The following DDX46 variants were observed in gnomAD, a reference collection of about 807,000 sequenced individuals.
DDX46 encodes probable ATP-dependent RNA helicase DDX46.
Under a neutral mutation model 134.9 loss-of-function variants are expected in DDX46, and 30 were observed. The ratio of observed to expected loss-of-function variants is 0.22; its 90% confidence interval spans 0.17 to 0.30. The LOEUF is 0.30. Among genes scored for constraint, DDX46 ranks in the 10% least tolerant of loss-of-function variants. The pLI is 1.00. For missense variants in DDX46, 622 were observed against 1,248.7 expected, an observed-to-expected ratio of 0.50 and a Z score of 7.56; for synonymous variants, 415 against 404.1, an observed-to-expected ratio of 1.03 and a Z score of -0.32.
rs772322526 is a variant in DDX46 at position 134,796,162 on chromosome 5, C to G, written c.1954+12C>G. 1.2e-6 allele frequency: 2 copies of G among 1,611,972 alleles called. No homozygotes were observed. Among genetic ancestry groups the G allele is most frequent in the East Asian group, 2.2e-5 (1 of 44,784 alleles). Reference sequence around the variant, plus strand: ...GTCTCTTCATGGAGGTAATTATTCACTTGATTCACACATAAAATATCTATT... The same window carrying G: ...GTCTCTTCATGGAGGTAATTATTCAGTTGATTCACACATAAAATATCTATT... On this transcript the variant is annotated intron_variant, in intron 15 of 22. Coordinates refer to ENST00000452510, the MANE Select transcript of DDX46 (RefSeq NM_001300860.2).
intron 13 of DDX46, among the ~76,000 whole-genome samples, chr5:134,793,789 CTGTTAT>C (rs1040645563): frequency 1.1e-4 from 17 of 152,080 alleles, no homozygotes; most frequent in Non-Finnish European, 2.4e-4. Context: ...TTTTTTATTA[CTGTTAT>C]TGTTTATTAT....
intron 12 of DDX46, among the ~76,000 whole-genome samples, chr5:134,789,427 G>GC (rs1262246704): frequency 6.6e-6 from 1 of 152,110 alleles, no homozygotes; most frequent in Non-Finnish European, 1.5e-5. Flanking sequence ...GTACATAATA[G>GC]AGTATTAAAA....
intron 11 of DDX46, 80 bp downstream of exon 11, chr5:134,785,666 T>G: frequency 6.7e-7 from 1 of 1,490,174 alleles, no homozygotes; most frequent in Non-Finnish European, 9.0e-7. Flanking sequence ...GACTTTTACT[T>G]TTAGTTTTTT....
At chr5:134,814,580 G>A (rs1755236302) in intron 18 of DDX46, among the ~76,000 whole-genome samples, 1 of 152,232 alleles carries the variant, frequency 6.6e-6, no homozygotes, top group Admixed American at 6.5e-5. Flanking sequence ...AAAACTAGTT[G>A]ATAACTGACC....
intron 15 of DDX46, chr5:134,804,906 G>T: frequency 2.8e-6 from 1 of 353,810 alleles, no homozygotes; most frequent in South Asian, 2.6e-5. Flanking sequence ...AGGCTCTGCT[G>T]ACATGTTTTT....
chr5:134,785,879 C>T (rs914258104), intron 11 of DDX46, among the ~76,000 whole-genome samples: 4 of 151,164 alleles, frequency 2.6e-5, no homozygotes, highest in African/African-American at 9.7e-5. Context: ...GATGGAGTCT[C>T]GCTCTGTCAC....
chr5:134,782,284 T>C (rs752609238), intron 8 of DDX46, among the ~76,000 whole-genome samples, 198 bp downstream of exon 8: 1 of 152,094 alleles, frequency 6.6e-6, no homozygotes, highest in South Asian at 2.1e-4. Context: ...GGTGGGCGGA[T>C]TGTCTGAGCT....
intron 18 of DDX46, among the ~76,000 whole-genome samples, chr5:134,813,168 C>T (rs1019327678): frequency 2.0e-5 from 3 of 152,218 alleles, no homozygotes; most frequent in Non-Finnish European, 2.9e-5. Context: ...TGATCTTGAT[C>T]TCTTGACTTC....
chr5:134,813,565 T>C (rs777262543), intron 18 of DDX46, among the ~76,000 whole-genome samples: 2 of 152,218 alleles, frequency 1.3e-5, no homozygotes, highest in Non-Finnish European at 2.9e-5. Context: ...TTTAGTGCTT[T>C]TTATGACTGT....
At chr5:134,772,259 C>T (rs916876778) in intron 4 of DDX46, among the ~76,000 whole-genome samples, 51 of 151,760 alleles carry the variant, frequency 3.4e-4, no homozygotes, top group Admixed American at 8.5e-4. Flanking sequence ...CATGGTGGCT[C>T]GTGCCTGTAA....
chr5:134,760,888 TCA>T (rs1193943002), intron 1 of DDX46, among the ~76,000 whole-genome samples: 1 of 149,670 alleles, frequency 6.7e-6, no homozygotes, highest in African/African-American at 2.5e-5. Flanking sequence ...TGCCACCGCG[TCA>T]GGCTAATTTT....
At chr5:134,769,692 G>A (rs1282036071) in intron 3 of DDX46, among the ~76,000 whole-genome samples, 2 of 151,644 alleles carry the variant, frequency 1.3e-5, no homozygotes, top group Non-Finnish European at 2.9e-5. Flanking sequence ...GATTACAGGC[G>A]CCTGCCACCA....
Position 134,816,595 on chromosome 5 carries a change from G to T in DDX46, c.2602G>T (p.Glu868Ter). 1.2e-6 allele frequency: 2 copies of T among 1,613,000 alleles called. No homozygotes were observed. Among genetic ancestry groups the T allele is most frequent in the South Asian group, 2.2e-5 (2 of 90,848 alleles). Residue 868 changes from glutamate (E) to a stop codon, truncating the protein, a stop_gained, in exon 19 of 23, where the codon GAG becomes TAG. Coordinates refer to ENST00000452510, the MANE Select transcript of DDX46 (RefSeq NM_001300860.2). LOFTEE classifies it high-confidence loss of function. ...CAATGCCCAGAAGAATTTGGGCATC[G>T]AGTCTCAGGTATTAAGTAATTTGTT... ...RINAQKNLGIESQVDVMQQAT... is the reference protein window; with the variant it reads ...RINAQKNLGI
chr5:134,774,422 G>A (rs78754250), intron 5 of DDX46, among the ~76,000 whole-genome samples: 1 of 152,138 alleles, frequency 6.6e-6, no homozygotes, highest in African/African-American at 2.4e-5. Flanking sequence ...GTGACCATTG[G>A]TGTATAAATA....
intron 3 of DDX46, among the ~76,000 whole-genome samples, chr5:134,767,516 T>C (rs1368295861): frequency 6.6e-6 from 1 of 151,942 alleles, no homozygotes; most frequent in Non-Finnish European, 1.5e-5. Context: ...AATTTTTATG[T>C]TTTTAGTGGA....
At chr5:134,822,557 C>T (rs1234040276) in intron 21 of DDX46, among the ~76,000 whole-genome samples, 1 of 151,920 alleles carries the variant, frequency 6.6e-6, no homozygotes, top group African/African-American at 2.4e-5. Context: ...CTAGGCTTGT[C>T]TTGAACTCCT....
intron 21 of DDX46, among the ~76,000 whole-genome samples, chr5:134,819,615 A>C (rs1259836388): frequency 2.6e-5 from 4 of 151,824 alleles, no homozygotes; most frequent in Admixed American, 2.6e-4. Flanking sequence ...CTGTTGCCTC[A>C]ACCTCCTGGG....
At position 134,794,853 on chromosome 5, in the gene DDX46, A is replaced by T; in HGVS notation, c.1630A>T (p.Met544Leu). 1 of 1,614,004 alleles carries T rather than the reference A, an allele frequency of 6.2e-7. No individual in the cohort carries two copies. The highest frequency in any genetic ancestry group is 8.5e-7 in the Non-Finnish European group (1 of 1,179,932). Reference sequence around the variant, plus strand: ...TGTAATGTTTTCTTTTTCTCAGGTCATGCGCATCGTGGATAATGTTCGTCC... The same window carrying T: ...TGTAATGTTTTCTTTTTCTCAGGTCTTGCGCATCGTGGATAATGTTCGTCC... ...MFDMGFEPQV[M>L]RIVDNVRPDR... The change falls in exon 14 of 23, where the codon ATG (methionine) becomes TTG (leucine). Residue 544 changes from methionine to leucine, a missense_variant. Physicochemically the swap from Met to Leu is conservative, Grantham distance 15 (BLOSUM62 2). Transcript: ENST00000452510.
rs1753751810 is a variant in DDX46 at position 134,771,070 on chromosome 5, CCTCTTTCTTTCTTTCTTT to C, written c.447+90_447+107del. On this transcript the variant is annotated intron_variant, in intron 4 of 22. Coordinates refer to ENST00000452510, the MANE Select transcript of DDX46 (RefSeq NM_001300860.2). ...TTTCTTTCTTTCTTTTCTTTCTTTCCCTCTTTCTTTCTTTCTTTCTCTTTCTTTCTTTCTTTTCTGTCT... is the reference window on the plus strand; with the variant it reads ...TTTCTTTCTTTCTTTTCTTTCTTTCCCTCTTTCTTTCTTTCTTTTCTGTCT... The C allele has an allele frequency of 1.7e-4, 111 of 639,416 alleles. No homozygotes were observed. The South Asian group carries it at 2.2e-3, about 12-fold the overall frequency. 39.6% of individuals were successfully genotyped at this position (639,416 alleles called of 1,614,324 possible).
Sources: gnomAD v4.1 joint callset for allele counts (sites outside exome capture counted in the v4.1 genomes callset) on GRCh38, gnomAD v4.1.1 for gene constraint, MANE v1.5 for transcripts, NCBI Gene and HGNC (gene_info 2026-07-23, HGNC 2026-07-21) for gene names.